Variants in DTX3L observed in about 807,000 individuals in gnomAD.
DTX3L encodes the protein E3 ubiquitin-protein ligase DTX3L.
DTX3L carries 34 observed loss-of-function variants against 60.9 expected under a neutral mutation model. The ratio of observed to expected loss-of-function variants is 0.56; its 90% confidence interval spans 0.42 to 0.74. DTX3L has a LOEUF of 0.74. Among genes scored for constraint, DTX3L ranks in the 30% least tolerant of loss-of-function variants. The pLI, the probability that DTX3L is intolerant of heterozygous loss-of-function variation, is 0.00. For synonymous variants in DTX3L, 290 were observed against 316.6 expected, an observed-to-expected ratio of 0.92 and a Z score of 0.89; for missense variants, 810 against 874.0, an observed-to-expected ratio of 0.93 and a Z score of 0.92.
In DTX3L at chr3:122,569,216, A is replaced by C. The variant is rs1158762378; in HGVS notation, c.1127A>C (p.Asn376Thr). The stretch of plus-strand genomic sequence containing the variant: ...CTATTTGCTGCCAATTACATGATGA[A>C]TGTAATTGAGGTTGATAGTGCCCAC... ...VKLFAANYMM[N>T]VIEVDSAHYK... Residue 376 changes from asparagine to threonine, a missense_variant, in exon 3 of 5, where the codon AAT (asparagine) becomes ACT (threonine). Asn to Thr is a moderately conservative substitution (Grantham distance 65). Transcript: ENST00000296161. 3 of 1,614,188 alleles carry C rather than the reference A, an allele frequency of 1.9e-6. No individual in the cohort carries two copies. The Admixed American group carries it at 5.0e-5, about 27-fold the overall frequency.
rs1003014238 is a variant in DTX3L at position 122,568,883 on chromosome 3, T to C, written c.794T>C (p.Ile265Thr). ...ATAGAGAAAAGATTTGGTGTAAACATTGAAATCCAGGAGAGTTCTCCAAAT... is the reference window on the plus strand; with the variant it reads ...ATAGAGAAAAGATTTGGTGTAAACACTGAAATCCAGGAGAGTTCTCCAAAT... ...NSIEKRFGVN[I>T]EIQESSPNMV... The change falls in exon 3 of 5, where the codon ATT (isoleucine) becomes ACT (threonine). Residue 265 changes from isoleucine to threonine, a missense_variant. Ile to Thr is a moderately conservative substitution (Grantham distance 89). Coordinates refer to ENST00000296161, the MANE Select transcript of DTX3L (RefSeq NM_138287.3). The C allele has an allele frequency of 6.2e-7, 1 of 1,614,094 alleles. No individual in the cohort carries two copies. The highest frequency in any genetic ancestry group is 8.5e-7 in the Non-Finnish European group (1 of 1,180,004).
At chr3:122,566,611 C>T (rs1576458761) in intron 2 of DTX3L, among the ~76,000 whole-genome samples, 2 of 152,198 alleles carry the variant, frequency 1.3e-5, no homozygotes, top group South Asian at 4.2e-4. Context: ...GATCTGCCCG[C>T]CTTGGCCTCC....
At chr3:122,571,406 A>T (rs1460367435) in intron 4 of DTX3L, among the ~76,000 whole-genome samples, 2 of 152,212 alleles carry the variant, frequency 1.3e-5, no homozygotes, top group African/African-American at 4.8e-5. Flanking sequence ...CTGCCCTTTG[A>T]TGCGAAATGT....
chr3:122,570,951 C>A (rs775546230), intron 4 of DTX3L, among the ~76,000 whole-genome samples: 1 of 152,082 alleles, frequency 6.6e-6, no homozygotes, highest in Non-Finnish European at 1.5e-5. Flanking sequence ...TAATTTGAGG[C>A]GTTGTGTCTA....
rs1200959847 is a variant in DTX3L, at chr3:122,565,764, C to T, written c.188-95C>T. 7.1e-6 allele frequency: 9 copies of T among 1,264,828 alleles called. No homozygotes were observed. The East Asian group carries it at 1.2e-4, about 17-fold the overall frequency. The allele number at this position is 1,264,828 out of a possible 1,614,324, so 78.4% of individuals were successfully genotyped here. Reference sequence around the variant, plus strand: ...CAGGGAGCAGCCTTACTGGGAGGTGCTGGGGCAGAGTACAGACACAGGAAT... The same window carrying T: ...CAGGGAGCAGCCTTACTGGGAGGTGTTGGGGCAGAGTACAGACACAGGAAT... On this transcript the variant is annotated intron_variant, in intron 1 of 4. Coordinates refer to ENST00000296161, the MANE Select transcript of DTX3L (RefSeq NM_138287.3).
rs775815555 is a variant in DTX3L, at chr3:122,564,406, G to C, written c.-21G>C. 3.8e-6 allele frequency: 6 copies of C among 1,596,756 alleles called. No individual in the cohort carries two copies. The South Asian group carries it at 6.6e-5, about 18-fold the overall frequency. On this transcript the variant is annotated 5_prime_UTR_variant, in exon 1 of 5. Coordinates refer to ENST00000296161, the MANE Select transcript of DTX3L (RefSeq NM_138287.3). ...CCCAGCTGCCTCCCGGAGCCCCCGC[G>C]CCCTCCCGACGCGCAGAGCCATGGC...
rs1003555655 is a variant in DTX3L, at chr3:122,574,215, T to C, written c.*2468T>C. On this transcript the variant is annotated 3_prime_UTR_variant, in exon 5 of 5. Coordinates refer to ENST00000296161, the MANE Select transcript of DTX3L (RefSeq NM_138287.3). Reference sequence around the variant, plus strand: ...ATTTTATAATAACCGTAGCCCACATTGTAGTAGTTTTTCAGCTCTTTACTA... The same window carrying C: ...ATTTTATAATAACCGTAGCCCACATCGTAGTAGTTTTTCAGCTCTTTACTA... The C allele has an allele frequency of 6.6e-6, 1 of 152,104 alleles. No individual in the cohort carries two copies. The highest frequency in any genetic ancestry group is 1.5e-5 in the Non-Finnish European group (1 of 68,028). 9.4% of individuals were successfully genotyped at this position (152,104 alleles called of 1,614,324 possible). A position where few individuals can be genotyped will look rare whatever the true frequency, so the allele number is the denominator to read the frequency against.
At chr3:122,570,723 G>T in intron 4 of DTX3L, 51 bp downstream of exon 4, 1 of 1,583,564 alleles carries the variant, frequency 6.3e-7, no homozygotes, top group South Asian at 1.1e-5. Flanking sequence ...TAGGGATTAT[G>T]AAATACGGCA....
intron 1 of DTX3L, among the ~76,000 whole-genome samples, 179 bp from the exon 2 acceptor site, chr3:122,565,680 C>G (rs1229644256): frequency 6.6e-6 from 1 of 152,096 alleles, no homozygotes; most frequent in Non-Finnish European, 1.5e-5. Flanking sequence ...AATCCGCACA[C>G]TTTAGAGCTC....
chr3:122,567,606 C>T (rs1356012823), intron 2 of DTX3L, among the ~76,000 whole-genome samples: 7 of 152,026 alleles, frequency 4.6e-5, no homozygotes, highest in South Asian at 2.1e-4. Context: ...TTAGAAGGGT[C>T]CACAACTTTG....
rs1304981380 is a variant in DTX3L, at chr3:122,569,539, G to A, written c.1450G>A (p.Val484Met). 1.4e-5 allele frequency: 23 copies of A among 1,614,120 alleles called. No homozygotes were observed. Among genetic ancestry groups the A allele is most frequent in the Non-Finnish European group, 1.9e-5 (23 of 1,180,042 alleles). ...AAAAAGACATCCAAATGTACACTTT[G>A]TGCTAAATCAAGAGTCAATGACTTT... is the stretch of plus-strand genomic sequence containing the variant. ...FRKRHPNVHF[V>M]LNQESMTLTG... The change falls in exon 3 of 5, where the codon GTG (valine) becomes ATG (methionine). Residue 484 changes from valine to methionine, a missense_variant. Transcript: ENST00000296161.
intron 1 of DTX3L, 112 bp downstream of exon 1, chr3:122,564,725 C>T: frequency 2.3e-6 from 3 of 1,332,320 alleles, no homozygotes; most frequent in Non-Finnish European, 3.0e-6. Context: ...AAGTATGTCA[C>T]TGTGCGGTGG....
At chr3:122,568,179 C>T (rs899913878) in intron 2 of DTX3L, among the ~76,000 whole-genome samples, 1 of 152,182 alleles carries the variant, frequency 6.6e-6, no homozygotes, top group Non-Finnish European at 1.5e-5. Flanking sequence ...CGTGGTGGCA[C>T]ATGCCTATAA....
rs2080669994 is a variant in DTX3L at position 122,574,585 on chromosome 3, G to C, written c.*2838G>C. On this transcript the variant is annotated 3_prime_UTR_variant, in exon 5 of 5. Coordinates refer to ENST00000296161, the MANE Select transcript of DTX3L (RefSeq NM_138287.3). ...GCTTTACATCTGTGTGATTGATACA[G>C]TTCATATTCCCATTTTATAACTGAG... 1 of 152,136 alleles carries C rather than the reference G, an allele frequency of 6.6e-6. No individual in the cohort carries two copies. The highest frequency in any genetic ancestry group is 1.5e-5 in the Non-Finnish European group (1 of 68,036). The allele number at this position is 152,136 out of a possible 1,614,324, so 9.4% of individuals were successfully genotyped here. A position where few individuals can be genotyped will look rare whatever the true frequency, so the allele number is the denominator to read the frequency against.
In DTX3L at chr3:122,571,892, C is replaced by G; in HGVS notation, c.*145C>G. 1 of 638,200 alleles carries G rather than the reference C, an allele frequency of 1.6e-6. No homozygotes were observed. The highest frequency in any genetic ancestry group is 2.6e-6 in the Non-Finnish European group (1 of 380,940). 39.5% of individuals were successfully genotyped at this position (638,200 alleles called of 1,614,324 possible). ...TGGTTTGTATAAGAATAACAATCTG[C>G]TAGTCTGTCATTTCTGGAGTGATAC... is the stretch of plus-strand genomic sequence containing the variant. On this transcript the variant is annotated 3_prime_UTR_variant, in exon 5 of 5. Coordinates refer to ENST00000296161, the MANE Select transcript of DTX3L (RefSeq NM_138287.3).
Position 122,566,216 on chromosome 3 carries a change from C to T in DTX3L, c.399+146C>T. 3 of 686,068 alleles carry T rather than the reference C, an allele frequency of 4.4e-6. No individual in the cohort carries two copies. In the South Asian group the frequency reaches 5.7e-5, roughly 13 times the overall value. The allele number at this position is 686,068 out of a possible 1,614,324, so 42.5% of individuals were successfully genotyped here. A position where few individuals can be genotyped will look rare whatever the true frequency, so the allele number is the denominator to read the frequency against. On this transcript the variant is annotated intron_variant, in intron 2 of 4. Coordinates refer to ENST00000296161, the MANE Select transcript of DTX3L (RefSeq NM_138287.3). ...GCACTGGACACAGAGATGAATATAACAGACAAGGCCCCTGCTCTCAGGCAG... is the reference window on the plus strand; with the variant it reads ...GCACTGGACACAGAGATGAATATAATAGACAAGGCCCCTGCTCTCAGGCAG...
intron 1 of DTX3L, among the ~76,000 whole-genome samples, chr3:122,565,512 TAAAAAAAAAAAAA>T (rs770609802): frequency 5.6e-5 from 3 of 53,102 alleles, no homozygotes; most frequent in East Asian, 7.0e-4. Flanking sequence ...AGACTCCGTC[TAAAAAAAAAAAAA>T]AAAAAAAAAA....
Position 122,569,456 on chromosome 3 carries a change from A to G in DTX3L, c.1367A>G (p.Lys456Arg), listed in dbSNP as rs781677393. ...CQLMREVLLLKSLGKERKHLH... is the reference protein window; with the variant it reads ...CQLMREVLLLRSLGKERKHLH... ...TTGATGAGAGAAGTTCTTTTACTGA[A>G]GTCTTTGGGCAAGGAGAGAAAGCAC... The change falls in exon 3 of 5, where the codon AAG (lysine) becomes AGG (arginine). Residue 456 changes from lysine (K) to arginine (R), a missense_variant. Lys to Arg is a conservative substitution (Grantham distance 26). Coordinates refer to ENST00000296161, the MANE Select transcript of DTX3L (RefSeq NM_138287.3). The G allele has an allele frequency of 2.5e-6, 4 of 1,614,204 alleles. No individual in the cohort carries two copies. The highest frequency in any genetic ancestry group is 2.5e-6 in the Non-Finnish European group (3 of 1,180,042).
rs770970794 is a variant in DTX3L at position 122,569,742 on chromosome 3, A to G, written c.1653A>G (p.Ser551=). ...AGGGCTCTGTGAGTTCTGAGGCCTC[A>G]GAACTGGACAAGAAGGAAAAGGGCA... ...PLKGSVSSEA[S]ELDKKEKGIC... The change falls in exon 3 of 5, where the codon TCA becomes TCG. Residue 551 remains serine, a synonymous_variant. Coordinates refer to ENST00000296161, the MANE Select transcript of DTX3L (RefSeq NM_138287.3). 1.9e-6 allele frequency: 3 copies of G among 1,614,172 alleles called. No individual in the cohort carries two copies. The highest frequency in any genetic ancestry group is 1.6e-4 in the Middle Eastern group (1 of 6,062).
Sources: allele counts gnomAD v4.1 joint callset (sites outside exome capture counted in the v4.1 genomes callset), GRCh38; gene constraint gnomAD v4.1.1; transcripts MANE v1.5; gene names NCBI Gene and HGNC (gene_info 2026-07-23, HGNC 2026-07-21).